KCP: variants seen among roughly 807,000 people sequenced by gnomAD.
KCP encodes kielin cysteine rich BMP regulator, also known as kielin/chordin-like protein.
A neutral mutation model predicts 212.7 loss-of-function variants in KCP; 194 were observed. The observed-to-expected ratio is 0.91, with a 90% CI of 0.81 to 1.03. The LOEUF is 1.03. KCP is among the 50% of genes least tolerant of loss of function. The pLI is 0.00. For missense variants in KCP, 2,080 were observed against 2,162.5 expected (o/e 0.96, Z 0.76); for synonymous variants, 833 against 865.3 (o/e 0.96, Z 0.65).
At chr7:128,885,371 G>T in intron 26 of KCP, 101 bp from the exon 27 acceptor site, 2 of 1,255,470 alleles carry the variant, frequency 1.6e-6, no homozygotes, top group Non-Finnish European at 1.1e-6. Flanking sequence ...GGCGCCAGGA[G>T]TGAGTTTGCA....
intron 22 of KCP, among the ~76,000 whole-genome samples, chr7:128,887,743 TCA>T (rs1268844414): frequency 9.6e-6 from 1 of 104,578 alleles, no homozygotes; most frequent in East Asian, 3.1e-4. Context: ...ACCCACACTC[TCA>T]TACACACACA....
chr7:128,895,171 T>C (rs1275789570), intron 8 of KCP, among the ~76,000 whole-genome samples: 1 of 152,180 alleles, frequency 6.6e-6, no homozygotes, highest in Non-Finnish European at 1.5e-5. Flanking sequence ...TATGCACTTA[T>C]GCACTTTGTT....
intron 37 of KCP, chr7:128,879,024 G>C (rs1035098337): frequency 9.2e-6 from 4 of 435,284 alleles, no homozygotes; most frequent in Middle Eastern, 6.0e-4. Context: ...CCCTTCCGGG[G>C]ATTCACTTTC....
chr7:128,893,498 T>C, intron 11 of KCP, 22 bp from the exon 12 acceptor site: 4 of 1,510,998 alleles, frequency 2.6e-6, no homozygotes, highest in Non-Finnish European at 3.6e-6. Context: ...GACAGGGGCG[T>C]GGGGGTATAG....
chr7:128,904,273 C>A (rs1448385158), intron 5 of KCP, 135 bp from the exon 6 acceptor site: 1 of 1,552,082 alleles, frequency 6.4e-7, no homozygotes, highest in Non-Finnish European at 8.7e-7. Flanking sequence ...CAGGACAGGG[C>A]AGGAGGTCAC....
chr7:128,904,249 A>G, intron 5 of KCP, 111 bp from the exon 6 acceptor site: 1 of 1,540,450 alleles, frequency 6.5e-7, no homozygotes, highest in Non-Finnish European at 8.8e-7. Flanking sequence ...GGTTGAAGGG[A>G]TGGCGGGGCA....
chr7:128,880,666 C>A lies in KCP; in HGVS notation c.3569G>T (p.Gly1190Val), dbSNP rs1160106991. 4.4e-6 allele frequency: 3 copies of A among 684,392 alleles called. No homozygotes were observed. Among genetic ancestry groups the A allele is most frequent in the African/African-American group, 3.7e-5 (2 of 53,672 alleles). 42.4% of individuals were successfully genotyped at this position (684,392 alleles called of 1,614,324 possible). ...GTCAGCCTGGGGCACCTTCGCCCAG[C>A]CATGGGGGCAGGAGAGGGCCTGGCA... ...EECQALSCPH[G>V]WAKVPQADSC... Residue 1190 changes from glycine (G) to valine (V), a missense_variant, in exon 33 of 40, where the codon GGC (glycine) becomes GTC (valine). Coordinates refer to ENST00000610776, the MANE Select transcript of KCP (RefSeq NM_001366122.1).
chr7:128,906,931 G>C (rs1207329548), intron 4 of KCP, among the ~76,000 whole-genome samples, 170 bp downstream of exon 4: 2 of 152,280 alleles, frequency 1.3e-5, no homozygotes, highest in East Asian at 3.9e-4. Context: ...CAGTGTCCGT[G>C]GGCATTGAGC....
chr7:128,905,355 G>A (rs1293299591), intron 5 of KCP, among the ~76,000 whole-genome samples: 1 of 151,990 alleles, frequency 6.6e-6, no homozygotes, highest in African/African-American at 2.4e-5. Context: ...GCTAAATCTG[G>A]CAACACTATC....
intron 37 of KCP, chr7:128,879,248 C>CT: frequency 2.1e-6 from 1 of 485,724 alleles, no homozygotes; most frequent in Non-Finnish European, 3.7e-6. Context: ...CCATTCCCCA[C>CT]TTTACAGACG....
rs184665694 is a variant in KCP at position 128,905,731 on chromosome 7, G to T, written c.571+548C>A. Among the ~76,000 whole-genome samples, 905 of 152,232 alleles carry T rather than the reference G, an allele frequency of 5.9e-3. 12 individuals are homozygous for T. Among genetic ancestry groups the T allele is most frequent in the African/African-American group, 0.021 (857 of 41,538 alleles). ...CTAATTGCAAGGCTTACAGCAGCCT[G>T]TTCCCACTGGCCTTCCCACATGGAC... On this transcript the variant is annotated intron_variant, in intron 5 of 39. Transcript: ENST00000610776.
At chr7:128,885,741 A>C (rs866585298) in intron 26 of KCP, among the ~76,000 whole-genome samples, 23 of 152,104 alleles carry the variant, frequency 1.5e-4, no homozygotes, top group Non-Finnish European at 3.4e-4. Flanking sequence ...TTCTGTAGAA[A>C]CACCACCACA....
At position 128,888,943 on chromosome 7, in the gene KCP, G is replaced by T. The variant is rs777118670; in HGVS notation, c.2432C>A (p.Thr811Asn). 6.4e-7 allele frequency: 1 copy of T among 1,550,868 alleles called. No homozygotes were observed. Among genetic ancestry groups the T allele is most frequent in the Non-Finnish European group, 8.7e-7 (1 of 1,146,722 alleles). The change falls in exon 22 of 40, where the codon ACC becomes AAC. Residue 811 changes from threonine (T) to asparagine (N), a missense_variant. Physicochemically the swap from Thr to Asn is moderately conservative, Grantham distance 65. Transcript: ENST00000610776. Reference sequence around the variant, plus strand: ...AGGCTCACAGGGCCGGCGGCCGCAGGTCACGAAGCCTCCAAGACAGGTACA... The same window carrying T: ...AGGCTCACAGGGCCGGCGGCCGCAGTTCACGAAGCCTCCAAGACAGGTACA... ...NLCTCLGGFV[T>N]CGRRPCEPPG...
chr7:128,902,947 C>T (rs1291304240), intron 7 of KCP, 88 bp from the exon 8 acceptor site: 2 of 972,864 alleles, frequency 2.1e-6, no homozygotes, highest in East Asian at 2.6e-5. Flanking sequence ...TGTCCACATG[C>T]CCTCTGAGGG....
At chr7:128,881,492 A>C (rs1793331026) in intron 31 of KCP, 134 bp downstream of exon 31, 4 of 570,674 alleles carry the variant, frequency 7.0e-6, no homozygotes, top group Admixed American at 3.8e-5. Context: ...ATTTCTAGAA[A>C]AGAATGAACC....
intron 21 of KCP, 160 bp downstream of exon 21, chr7:128,890,183 T>C (rs1166003995): frequency 5.1e-6 from 7 of 1,380,870 alleles, no homozygotes; most frequent in Admixed American, 2.2e-5. Context: ...GCCTCCCAAA[T>C]TGTCGGGGTC....
chr7:128,888,859 C>T lies in KCP; in HGVS notation c.2512+4G>A, dbSNP rs1455194594. 6.5e-7 allele frequency: 1 copy of T among 1,548,102 alleles called. No homozygotes were observed. The highest frequency in any genetic ancestry group is 1.2e-5 in the South Asian group (1 of 83,940). On this transcript the variant is annotated splice_donor_region_variant and intron_variant, in intron 22 of 39. Transcript: ENST00000610776. ...GGGGAATGGAAGGGCAGGTGTGGCT[C>T]TACCCTGGCAGGTCGGGCAGCAGTG...
chr7:128,883,537 A>G (rs1209103641), intron 29 of KCP, among the ~76,000 whole-genome samples: 1 of 152,220 alleles, frequency 6.6e-6, no homozygotes, highest in African/African-American at 2.4e-5. Context: ...TTCCCTCCAC[A>G]ACAAATGTAA....
At chr7:128,907,926 C>T (rs992992429) in intron 2 of KCP, among the ~76,000 whole-genome samples, 1 of 151,998 alleles carries the variant, frequency 6.6e-6, no homozygotes, top group Non-Finnish European at 1.5e-5. Context: ...GTCAGGAGTT[C>T]GAGACCAGCC....
Sources: allele counts gnomAD v4.1 joint callset (sites outside exome capture counted in the v4.1 genomes callset), GRCh38; gene constraint gnomAD v4.1.1; transcripts MANE v1.5; gene names NCBI Gene and HGNC (gene_info 2026-07-23, HGNC 2026-07-21).